The following ELMO1 variants were observed in gnomAD, a reference collection of about 807,000 sequenced individuals.
ELMO1 encodes engulfment and cell motility 1.
ELMO1 carries 26 observed loss-of-function variants against 98.9 expected under a neutral mutation model. That is an observed-to-expected ratio of 0.26 (90% CI 0.19 to 0.36). ELMO1 has a LOEUF of 0.36. ELMO1 is among the 10% of genes least tolerant of loss of function. The probability of loss-of-function intolerance (pLI) is 1.00; values close to 1 mark genes in which losing one functional copy is unlikely to be tolerated. For missense variants in ELMO1, 627 were observed against 935.2 expected (o/e 0.67, Z 4.30); for synonymous variants, 346 against 346.0 (o/e 1.00, Z 0.00).
intron 10 of ELMO1, among the ~76,000 whole-genome samples, chr7:37,219,250 A>G (rs1309557335): frequency 1.3e-5 from 2 of 152,206 alleles, no homozygotes; most frequent in Non-Finnish European, 2.9e-5. Context: ...TACCTCACAG[A>G]TGCAAAGGAA....
chr7:37,179,694 T>C (rs1790724136), intron 13 of ELMO1, among the ~76,000 whole-genome samples: 1 of 151,996 alleles, frequency 6.6e-6, no homozygotes, highest in African/African-American at 2.4e-5. Flanking sequence ...GCTGGCTACA[T>C]GGAAACAGTA....
At chr7:37,251,258 T>A (rs1264293438) in intron 6 of ELMO1, among the ~76,000 whole-genome samples, 1 of 152,226 alleles carries the variant, frequency 6.6e-6, no homozygotes, top group Non-Finnish European at 1.5e-5. Flanking sequence ...CATTCCTCAA[T>A]ATTCCTTTTG....
At chr7:37,281,546 T>C (rs781405616) in intron 4 of ELMO1, among the ~76,000 whole-genome samples, 1 of 152,190 alleles carries the variant, frequency 6.6e-6, no homozygotes, top group South Asian at 2.1e-4. Flanking sequence ...TATCCTATGA[T>C]CTTCAGCCCA....
chr7:37,377,581 A>T (rs1471416501), intron 1 of ELMO1, among the ~76,000 whole-genome samples: 1 of 152,198 alleles, frequency 6.6e-6, no homozygotes, highest in Non-Finnish European at 1.5e-5. Context: ...GCATGTGGAT[A>T]GGAGACACCT....
At chr7:37,165,703 G>T (rs893288672) in intron 13 of ELMO1, among the ~76,000 whole-genome samples, 3 of 152,044 alleles carry the variant, frequency 2.0e-5, no homozygotes, top group African/African-American at 7.2e-5. Context: ...GATCTTGGTG[G>T]ATAAGCTTTT....
rs140392937 is a variant in ELMO1, at chr7:37,147,095, T to C, written c.1087-13861A>G. On this transcript the variant is annotated intron_variant, in intron 13 of 21. Coordinates refer to ENST00000310758, the MANE Select transcript of ELMO1 (RefSeq NM_014800.11). The stretch of plus-strand genomic sequence containing the variant: ...TTAATCAGAGAAATGTGAAGTCCCA[T>C]AAAAAAGAGTTTTAGAAATTCAAGC... Among the ~76,000 whole-genome samples, 430 of 152,124 alleles carry C rather than the reference T, an allele frequency of 2.8e-3. 6 individuals are homozygous for C. The highest frequency in any genetic ancestry group is 9.9e-3 in the African/African-American group (409 of 41,414).
intron 9 of ELMO1, 36 bp downstream of exon 9, chr7:37,224,843 G>A: frequency 1.2e-6 from 2 of 1,605,464 alleles, no homozygotes; most frequent in South Asian, 1.1e-5. Flanking sequence ...TCTTCCTGAA[G>A]CATTTCTCCT....
At position 37,309,592 on chromosome 7, in the gene ELMO1, T is replaced by C. The variant is rs1387881556; in HGVS notation, c.192+5258A>G. ...GCACGAAAGGGAATGTTGTATAGGG[T>C]ATTTGGCTGGTTTAGGAAATTTACA... On this transcript the variant is annotated intron_variant, in intron 4 of 21. Transcript: ENST00000310758. 1.3e-5 allele frequency among the ~76,000 whole-genome samples: 2 copies of C among 152,132 alleles called. 1 individual carries two copies. Among genetic ancestry groups the C allele is most frequent in the Middle Eastern group, 6.3e-3 (2 of 316 alleles).
At chr7:37,005,135 A>G (rs1792977898) in intron 16 of ELMO1, among the ~76,000 whole-genome samples, 1 of 150,900 alleles carries the variant, frequency 6.6e-6, no homozygotes, top group Admixed American at 6.6e-5. Context: ...AAAAAAAAGA[A>G]AAAAAGAAAA....
intron 13 of ELMO1, among the ~76,000 whole-genome samples, chr7:37,157,362 G>T (rs1035089924): frequency 7.2e-5 from 11 of 152,206 alleles, no homozygotes; most frequent in Admixed American, 5.9e-4. Context: ...ATTAGGAAAA[G>T]AGGAAGTCAA....
At chr7:37,189,838 G>A (rs1004908504) in intron 13 of ELMO1, among the ~76,000 whole-genome samples, 1 of 152,118 alleles carries the variant, frequency 6.6e-6, no homozygotes, top group African/African-American at 2.4e-5. Context: ...TCAGTCCCAA[G>A]CCACAATGCT....
intron 15 of ELMO1, among the ~76,000 whole-genome samples, chr7:37,031,438 CT>C (rs1446659502): frequency 3.9e-5 from 6 of 152,170 alleles, no homozygotes; most frequent in Non-Finnish European, 7.3e-5. Flanking sequence ...GACTTTTAGA[CT>C]TAATACATGC....
intron 16 of ELMO1, among the ~76,000 whole-genome samples, chr7:37,005,944 C>A (rs879917998): frequency 1.3e-5 from 2 of 152,138 alleles, no homozygotes; most frequent in African/African-American, 4.8e-5. Flanking sequence ...GGGCGCACAG[C>A]CATCCTAGCT....
intron 2 of ELMO1, among the ~76,000 whole-genome samples, chr7:37,321,240 G>A (rs1350267992): frequency 1.3e-5 from 2 of 152,112 alleles, no homozygotes; most frequent in African/African-American, 4.8e-5. Flanking sequence ...TGCCTGACCA[G>A]TAAATTCCAA....
chr7:37,128,072 A>G (rs753763713), intron 14 of ELMO1, among the ~76,000 whole-genome samples: 7 of 152,158 alleles, frequency 4.6e-5, no homozygotes, highest in Non-Finnish European at 8.8e-5. Context: ...GCGTGCCTGT[A>G]GCCCCAGCTA....
intron 2 of ELMO1, among the ~76,000 whole-genome samples, chr7:37,329,144 G>T (rs940483034): frequency 2.0e-5 from 3 of 152,190 alleles, no homozygotes; most frequent in African/African-American, 7.2e-5. Flanking sequence ...GAGCAAAATG[G>T]ATGACCCTCT....
chr7:37,283,669 A>G (rs978484496), intron 4 of ELMO1, among the ~76,000 whole-genome samples: 1 of 152,240 alleles, frequency 6.6e-6, no homozygotes, highest in African/African-American at 2.4e-5. Flanking sequence ...GGGATCCACC[A>G]TTATGATTCC....
intron 13 of ELMO1, among the ~76,000 whole-genome samples, chr7:37,165,078 A>G (rs1239046398): frequency 6.6e-6 from 1 of 152,080 alleles, no homozygotes; most frequent in Non-Finnish European, 1.5e-5. Flanking sequence ...ATTCTTAGGT[A>G]TTTTATTCTC....
At chr7:36,912,621 G>A (rs6957778) in intron 16 of ELMO1, among the ~76,000 whole-genome samples, 69,686 of 151,978 alleles carry the variant, frequency 0.46, 17,414 homozygotes, top group Non-Finnish European at 0.56. Context: ...CAATGAAGTC[G>A]AGAGAAAACT....
Sources: allele counts gnomAD v4.1 joint callset (sites outside exome capture counted in the v4.1 genomes callset), GRCh38; gene constraint gnomAD v4.1.1; transcripts MANE v1.5; gene names NCBI Gene and HGNC (gene_info 2026-07-23, HGNC 2026-07-21).